Variants in NLRP11 observed in about 807,000 individuals in gnomAD.
NLRP11 encodes NLR family pyrin domain containing 11.
A neutral mutation model predicts 79.3 loss-of-function variants in NLRP11; 53 were observed. The observed-to-expected ratio is 0.67, with a 90% CI of 0.54 to 0.84. The LOEUF is 0.84. NLRP11 is among the 40% of genes least tolerant of loss of function. The pLI, the probability that NLRP11 is intolerant of heterozygous loss-of-function variation, is 0.00. For synonymous variants in NLRP11, 518 were observed against 462.6 expected (o/e 1.12, Z -1.54); for missense variants, 1,264 against 1,255.0 (o/e 1.01, Z -0.11).
chr19:55,793,188 A>G (rs1319783988), intron 6 of NLRP11, among the ~76,000 whole-genome samples: 1 of 151,746 alleles, frequency 6.6e-6, no homozygotes, highest in Non-Finnish European at 1.5e-5. Flanking sequence ...CCGAATCTCT[A>G]TTTTTTTTAA....
At chr19:55,817,825 A>T in intron 2 of NLRP11, 79 bp downstream of exon 2, 2 of 1,178,324 alleles carry the variant, frequency 1.7e-6, no homozygotes. Flanking sequence ...ATTTAGAAAA[A>T]AAAAAAAAAA....
intron 7 of NLRP11, among the ~76,000 whole-genome samples, chr19:55,790,002 A>G (rs948333055): frequency 6.0e-4 from 91 of 152,240 alleles, no homozygotes; most frequent in African/African-American, 2.2e-3. Context: ...ATTCTCGAGC[A>G]CAGTTGGCTG....
At chr19:55,813,590 T>C (rs1980811567) in intron 2 of NLRP11, among the ~76,000 whole-genome samples, 1 of 152,150 alleles carries the variant, frequency 6.6e-6, no homozygotes. Context: ...AGAAAAGAAA[T>C]CATATCTGAT....
intron 2 of NLRP11, among the ~76,000 whole-genome samples, chr19:55,810,662 A>C (rs57725068): frequency 0.099 from 15,115 of 152,014 alleles, 1,116 homozygotes; most frequent in East Asian, 0.24. Context: ...ACACCTGGCT[A>C]ATTTTTTGTA....
intron 9 of NLRP11, among the ~76,000 whole-genome samples, chr19:55,786,114 C>T (rs1989865205): frequency 6.6e-6 from 1 of 152,240 alleles, no homozygotes; most frequent in Non-Finnish European, 1.5e-5. Context: ...TTAGTAGTAA[C>T]CAACGCCACT....
At chr19:55,788,839 C>G in exon 9 of NLRP11, 6 of 1,592,400 alleles carry the variant, frequency 3.8e-6, no homozygotes, top group Non-Finnish European at 5.1e-6. Context: ...CTGGGCTGAT[C>G]AAGCTCTCAA....
At chr19:55,819,340 G>T (rs1568641802) in intron 1 of NLRP11, among the ~76,000 whole-genome samples, 1 of 152,014 alleles carries the variant, frequency 6.6e-6, no homozygotes, top group Non-Finnish European at 1.5e-5. Flanking sequence ...ACCCAAAAAA[G>T]CATGTGTGCA....
At chr19:55,830,598 T>TA (rs201476127) in intron 1 of NLRP11, among the ~76,000 whole-genome samples, 17,344 of 128,972 alleles carry the variant, frequency 0.13, 1,239 homozygotes, top group East Asian at 0.23. Context: ...CTTAGCTTCC[T>TA]AAAAAAAAAA....
At chr19:55,799,474 A>G (rs1470443594) in intron 5 of NLRP11, among the ~76,000 whole-genome samples, 1 of 152,194 alleles carries the variant, frequency 6.6e-6, no homozygotes, top group African/African-American at 2.4e-5. Context: ...AAAAACAAGT[A>G]AAGATGACTG....
At chr19:55,806,694 C>T (rs932107670) in intron 4 of NLRP11, among the ~76,000 whole-genome samples, 7 of 152,122 alleles carry the variant, frequency 4.6e-5, no homozygotes, top group African/African-American at 1.7e-4. Context: ...CTGCTCAAAA[C>T]CCCTCAAAAT....
intron 1 of NLRP11, among the ~76,000 whole-genome samples, chr19:55,818,555 A>G (rs929631912): frequency 6.6e-6 from 1 of 152,178 alleles, no homozygotes; most frequent in Non-Finnish European, 1.5e-5. Context: ...TTCTTTTGAA[A>G]TTGTCAACCC....
chr19:55,833,268 C>A (rs568445470), upstream of NLRP11, among the ~76,000 whole-genome samples: 1 of 152,130 alleles, frequency 6.6e-6, no homozygotes, highest in African/African-American at 2.4e-5. Context: ...AATATGCTCC[C>A]AAATAGACCT....
intron 4 of NLRP11, among the ~76,000 whole-genome samples, chr19:55,802,568 G>A (rs113161364): frequency 3.9e-5 from 6 of 152,258 alleles, no homozygotes; most frequent in African/African-American, 1.4e-4. Context: ...AATCAATATT[G>A]TTAAAATGGC....
chr19:55,807,685 A>G (rs1980126616), intron 4 of NLRP11, among the ~76,000 whole-genome samples, 168 bp downstream of exon 4: 1 of 152,214 alleles, frequency 6.6e-6, no homozygotes, highest in Admixed American at 6.5e-5. Flanking sequence ...GCCTAAGGTC[A>G]TCTTTATCAT....
intron 5 of NLRP11, chr19:55,798,282 G>A (rs1979138225): frequency 2.9e-5 from 28 of 979,428 alleles, no homozygotes; most frequent in Non-Finnish European, 3.4e-5. Context: ...CCAGGCGTGA[G>A]CCGTCGCGTT....
rs199475861 is a variant in NLRP11, at chr19:55,792,360, G to A, written c.2454C>T (p.Tyr818=). 29 of 1,614,142 alleles carry A rather than the reference G, an allele frequency of 1.8e-5. No homozygotes were observed. In the African/African-American group the frequency reaches 2.1e-4, roughly 12 times the overall value. Residue 818 remains tyrosine (Y), a synonymous_variant, in exon 7 of 10, where the codon TAC becomes TAT. Transcript: ENST00000589093. ...AGGGAAACGTCACATGCAACACTCCGTAATTTTTTAAGCGATTCACACACA... is the reference window on the plus strand; with the variant it reads ...AGGGAAACGTCACATGCAACACTCCATAATTTTTTAAGCGATTCACACACA...
intron 6 of NLRP11, 70 bp from the exon 7 acceptor site, chr19:55,792,541 C>T: frequency 2.4e-6 from 3 of 1,260,314 alleles, no homozygotes; most frequent in Non-Finnish European, 3.4e-6. Context: ...GACCACCCAC[C>T]CCACGCCCAC....
At chr19:55,828,143 A>G (rs1199897620) in intron 1 of NLRP11, among the ~76,000 whole-genome samples, 1 of 151,448 alleles carries the variant, frequency 6.6e-6, no homozygotes, top group East Asian at 1.9e-4. Context: ...GGAAATCATC[A>G]TTCTCAGTAA....
At chr19:55,811,462 A>G (rs1195088907) in intron 2 of NLRP11, among the ~76,000 whole-genome samples, 1 of 152,162 alleles carries the variant, frequency 6.6e-6, no homozygotes, top group Admixed American at 6.5e-5. Context: ...ATAAAAGCCA[A>G]TGATGAACAG....
Sources: gnomAD v4.1 joint callset for allele counts (sites outside exome capture counted in the v4.1 genomes callset) on GRCh38, gnomAD v4.1.1 for gene constraint, MANE v1.5 for transcripts, NCBI Gene and HGNC (gene_info 2026-07-23, HGNC 2026-07-21) for gene names.